Variants in KCNQ5 observed in about 807,000 individuals in gnomAD.
The protein encoded by KCNQ5 is potassium voltage-gated channel subfamily Q member 5, also known as potassium voltage-gated channel subfamily KQT member 5.
In KCNQ5, 30 loss-of-function variants were observed where a neutral mutation model predicts 98.2. The ratio of observed to expected loss-of-function variants is 0.31; its 90% confidence interval spans 0.23 to 0.41. KCNQ5 has a LOEUF of 0.41. Among genes scored for constraint, KCNQ5 ranks in the 10% least tolerant of loss-of-function variants. The pLI is 1.00. For missense variants in KCNQ5, 835 were observed against 1,182.5 expected (o/e 0.71, Z 4.31); for synonymous variants, 458 against 449.4 (o/e 1.02, Z -0.24).
chr6:73,154,781 AG>A (rs1777290789), intron 10 of KCNQ5, among the ~76,000 whole-genome samples: 1 of 152,216 alleles, frequency 6.6e-6, no homozygotes, highest in African/African-American at 2.4e-5. Flanking sequence ...ATGGGCTAAT[AG>A]GGGAAGATTC....
intron 1 of KCNQ5, among the ~76,000 whole-genome samples, chr6:72,784,792 A>T (rs1773652696): frequency 6.6e-6 from 1 of 152,200 alleles, no homozygotes; most frequent in African/African-American, 2.4e-5. Flanking sequence ...GCCAGAACTG[A>T]GTCATGTGGT....
rs1236018168 is a variant in KCNQ5, at chr6:72,870,556, G to A, written c.399-133352G>A. Among the ~76,000 whole-genome samples the A allele has an allele frequency of 2.6e-5, 4 of 152,120 alleles. No individual in the cohort carries two copies. The East Asian group carries it at 5.8e-4, about 22-fold the overall frequency. ...GTGAGCCACTGCACCCAGCCGGGTG[G>A]CATATTTTATGTCTCTTCCATACTG... On this transcript the variant is annotated intron_variant, in intron 1 of 13. Coordinates refer to ENST00000370398, the MANE Select transcript of KCNQ5 (RefSeq NM_019842.4).
chr6:72,939,630 C>T (rs919254518), intron 1 of KCNQ5, among the ~76,000 whole-genome samples: 1 of 152,160 alleles, frequency 6.6e-6, no homozygotes, highest in African/African-American at 2.4e-5. Flanking sequence ...AGAGAAGCCT[C>T]ATGTATGCTT....
intron 7 of KCNQ5, among the ~76,000 whole-genome samples, chr6:73,113,824 A>C (rs1314953928): frequency 6.6e-6 from 1 of 152,236 alleles, no homozygotes; most frequent in Admixed American, 6.5e-5. Context: ...CTAGAATTTT[A>C]TTTTATGGAA....
intron 11 of KCNQ5, among the ~76,000 whole-genome samples, chr6:73,177,054 G>A (rs1180902469): frequency 6.6e-6 from 1 of 152,236 alleles, no homozygotes; most frequent in African/African-American, 2.4e-5. Flanking sequence ...AGGAGAGCGT[G>A]ACAGAAGAGA....
intron 1 of KCNQ5, among the ~76,000 whole-genome samples, chr6:72,691,995 G>A (rs1222099888): frequency 1.3e-5 from 2 of 152,152 alleles, no homozygotes. Context: ...TGAACATGTT[G>A]GTTTAATGAG....
chr6:73,189,073 CA>C, intron 11 of KCNQ5, among the ~76,000 whole-genome samples: 1 of 151,048 alleles, frequency 6.6e-6, no homozygotes, highest in Middle Eastern at 3.5e-3. Flanking sequence ...CATAATTGCT[CA>C]GGACCAGAAA....
intron 5 of KCNQ5, among the ~76,000 whole-genome samples, chr6:73,087,302 G>A (rs899222031): frequency 8.5e-5 from 13 of 152,224 alleles, no homozygotes; most frequent in South Asian, 2.1e-4. Flanking sequence ...GATAGATTCC[G>A]TGGGGGGAGT....
In KCNQ5 at chr6:73,197,626, CACACACACA is replaced by C. The variant is rs1562232092; in HGVS notation, c.*2213_*2221del. ...ACACACACACACACACACACACACA[CACACACACA>C]CACACACCCCTCCACTGACCTAAAG... On this transcript the variant is annotated 3_prime_UTR_variant, in exon 14 of 14. Coordinates refer to ENST00000370398, the MANE Select transcript of KCNQ5 (RefSeq NM_019842.4). 5.2e-4 allele frequency: 63 copies of C among 120,352 alleles called. No individual in the cohort carries two copies. The highest frequency in any genetic ancestry group is 1.1e-3 in the African/African-American group (38 of 34,982). The allele number at this position is 120,352 out of a possible 1,614,324, so 7.5% of individuals were successfully genotyped here.
At chr6:72,936,698 T>G (rs1375875847) in intron 1 of KCNQ5, among the ~76,000 whole-genome samples, 4 of 152,260 alleles carry the variant, frequency 2.6e-5, no homozygotes, top group Non-Finnish European at 4.4e-5. Flanking sequence ...TTCAGTTATC[T>G]GATTTTTAAA....
intron 2 of KCNQ5, among the ~76,000 whole-genome samples, chr6:73,037,677 G>A (rs938278920): frequency 3.9e-5 from 6 of 151,918 alleles, no homozygotes; most frequent in African/African-American, 1.5e-4. Flanking sequence ...TATTTGTGTG[G>A]GTCTAGTTCT....
intron 1 of KCNQ5, among the ~76,000 whole-genome samples, chr6:72,817,616 G>A (rs752273764): frequency 6.6e-6 from 1 of 152,122 alleles, no homozygotes; most frequent in Non-Finnish European, 1.5e-5. Context: ...ACTGAGGGCC[G>A]AGCTCAGTTG....
At chr6:72,987,873 T>C (rs1582145394) in intron 1 of KCNQ5, 2 of 323,912 alleles carry the variant, frequency 6.2e-6, no homozygotes, top group Admixed American at 7.1e-5. Flanking sequence ...CAGTAGGATA[T>C]AAATAACTCC....
chr6:73,180,222 G>C (rs149153860), intron 11 of KCNQ5, among the ~76,000 whole-genome samples: 9 of 152,302 alleles, frequency 5.9e-5, no homozygotes, highest in African/African-American at 2.2e-4. Context: ...CACGTAGGAG[G>C]CTTCTTTAAC....
chr6:72,886,407 C>T (rs1371334205), intron 1 of KCNQ5, among the ~76,000 whole-genome samples: 2 of 151,328 alleles, frequency 1.3e-5, no homozygotes, highest in Non-Finnish European at 2.9e-5. Context: ...GAAGAAATTA[C>T]CCAGAATGCA....
At position 72,830,385 on chromosome 6, in the gene KCNQ5, G is replaced by T. The variant is rs900078701; in HGVS notation, c.399-173523G>T. Among the ~76,000 whole-genome samples the T allele has an allele frequency of 3.3e-5, 5 of 152,056 alleles. No homozygotes were observed. In the East Asian group the frequency reaches 7.7e-4, roughly 23 times the overall value. ...AGCATGGTACTGGTACCAAAACAGA[G>T]ATATAGACCAATGGAACAGAACAGA... On this transcript the variant is annotated intron_variant, in intron 1 of 13. Transcript: ENST00000370398.
chr6:72,909,079 C>A (rs1241735505), intron 1 of KCNQ5, among the ~76,000 whole-genome samples: 3 of 152,056 alleles, frequency 2.0e-5, no homozygotes, highest in Admixed American at 6.6e-5. Context: ...ACTTTATGAT[C>A]ATCTTTGTGA....
chr6:72,994,626 C>T (rs1769199332), intron 1 of KCNQ5, among the ~76,000 whole-genome samples: 1 of 151,674 alleles, frequency 6.6e-6, no homozygotes, highest in Non-Finnish European at 1.5e-5. Context: ...TCTTCTGCGT[C>T]GCTCACGCTG....
intron 1 of KCNQ5, among the ~76,000 whole-genome samples, chr6:72,687,907 C>T (rs1264718209): frequency 4.1e-5 from 6 of 145,472 alleles, no homozygotes; most frequent in African/African-American, 7.7e-5. Flanking sequence ...GGCGTGATGT[C>T]GGCTCATTGC....
Sources: allele counts gnomAD v4.1 joint callset (sites outside exome capture counted in the v4.1 genomes callset), GRCh38; gene constraint gnomAD v4.1.1; transcripts MANE v1.5; gene names NCBI Gene and HGNC (gene_info 2026-07-23, HGNC 2026-07-21).